Variants in NTM observed in about 807,000 individuals in gnomAD.
NTM encodes the protein IgLON family member 2.
A neutral mutation model predicts 42.1 loss-of-function variants in NTM; 13 were observed. The observed-to-expected ratio is 0.31, with a 90% CI of 0.20 to 0.49. NTM has a LOEUF of 0.49. Among genes scored for constraint, NTM ranks in the 20% least tolerant of loss-of-function variants. The pLI, the probability that NTM is intolerant of heterozygous loss-of-function variation, is 0.99. For synonymous variants in NTM, 187 were observed against 179.2 expected, an observed-to-expected ratio of 1.04 and a Z score of -0.35; for missense variants, 373 against 452.8, an observed-to-expected ratio of 0.82 and a Z score of 1.60.
At chr11:132,162,831 T>C (rs889422264) in intron 3 of NTM, among the ~76,000 whole-genome samples, 2 of 151,916 alleles carry the variant, frequency 1.3e-5, no homozygotes, top group Non-Finnish European at 2.9e-5. Flanking sequence ...ATCTTGTGTG[T>C]GTGTTTGTGG....
chr11:131,892,238 C>T lies in NTM; in HGVS notation c.83-19326C>T, dbSNP rs533199535. Among the ~76,000 whole-genome samples, 4 of 152,290 alleles carry T rather than the reference C, an allele frequency of 2.6e-5. No homozygotes were observed. The South Asian group carries it at 8.3e-4, about 32-fold the overall frequency. ...CTCATCTGTCAAATGGGACATGGTT[C>T]TGCTAGACAGGGTAGCTGGGTGAGA... On this transcript the variant is annotated intron_variant, in intron 1 of 8. Coordinates refer to ENST00000683400, the MANE Select transcript of NTM (RefSeq NM_001352005.2).
At chr11:131,977,270 T>G (rs1320346717) in intron 2 of NTM, among the ~76,000 whole-genome samples, 1 of 152,240 alleles carries the variant, frequency 6.6e-6, no homozygotes, top group Non-Finnish European at 1.5e-5. Flanking sequence ...GTTTTTACAT[T>G]ATATGCCTTC....
intron 3 of NTM, among the ~76,000 whole-genome samples, chr11:132,176,356 G>GA (rs1011492738): frequency 3.8e-4 from 36 of 94,810 alleles, no homozygotes; most frequent in Admixed American, 1.2e-3. Flanking sequence ...AACTTTCCAG[G>GA]AAAAAAAAAA....
At chr11:132,281,998 A>G (rs543885813) in intron 4 of NTM, among the ~76,000 whole-genome samples, 1 of 152,348 alleles carries the variant, frequency 6.6e-6, no homozygotes, top group Non-Finnish European at 1.5e-5. Context: ...TTTCATTGCC[A>G]AAAGCAACTA....
At position 132,259,007 on chromosome 11, in the gene NTM, G is replaced by T. The variant is rs2092678594; in HGVS notation, c.526+46860G>T. On this transcript the variant is annotated intron_variant, in intron 4 of 8. Transcript: ENST00000683400. ...TTTGTGTCCTGCCCCTGATTTAACTGCTAGAAATATTACTCATCTCTTTGT... is the reference window on the plus strand; with the variant it reads ...TTTGTGTCCTGCCCCTGATTTAACTTCTAGAAATATTACTCATCTCTTTGT... 1.3e-5 allele frequency among the ~76,000 whole-genome samples: 2 copies of T among 152,132 alleles called. 1 individual carries two copies. Among genetic ancestry groups the T allele is most frequent in the South Asian group, 4.2e-4 (2 of 4,808 alleles).
At chr11:131,449,315 G>A (rs893094310) in intron 1 of NTM, among the ~76,000 whole-genome samples, 5 of 152,206 alleles carry the variant, frequency 3.3e-5, no homozygotes, top group African/African-American at 1.2e-4. Context: ...TGCTCACTCA[G>A]GTGGACTCCC....
At chr11:131,704,350 G>C (rs2076371304) in intron 1 of NTM, among the ~76,000 whole-genome samples, 1 of 152,100 alleles carries the variant, frequency 6.6e-6, no homozygotes, top group Non-Finnish European at 1.5e-5. Flanking sequence ...GGCTCCTGTA[G>C]ACCCAAGTTC....
At chr11:132,138,256 C>A (rs559165180) in intron 2 of NTM, among the ~76,000 whole-genome samples, 4 of 152,284 alleles carry the variant, frequency 2.6e-5, no homozygotes, top group South Asian at 4.1e-4. Context: ...GCATGGACAT[C>A]CTGCTTCCAG....
chr11:132,325,715 C>T (rs2095664875), intron 7 of NTM, among the ~76,000 whole-genome samples: 1 of 152,296 alleles, frequency 6.6e-6, no homozygotes. Flanking sequence ...GACACACGCA[C>T]ACATATGTTT....
intron 2 of NTM, among the ~76,000 whole-genome samples, chr11:132,038,179 G>A (rs547358436): frequency 4.4e-4 from 67 of 152,340 alleles, no homozygotes; most frequent in African/African-American, 1.6e-3. Context: ...GAGTTATTCT[G>A]TTCCGACACA....
chr11:131,937,296 A>G (rs1038963181), intron 2 of NTM, among the ~76,000 whole-genome samples: 2 of 152,206 alleles, frequency 1.3e-5, no homozygotes, highest in Non-Finnish European at 2.9e-5. Context: ...TTGAATTAGT[A>G]ATTTATTCTA....
intron 4 of NTM, among the ~76,000 whole-genome samples, chr11:132,294,869 G>A (rs770102249): frequency 6.6e-6 from 1 of 152,138 alleles, no homozygotes; most frequent in Non-Finnish European, 1.5e-5. Context: ...CCTAATTGAT[G>A]ATGACATAAG....
intron 3 of NTM, among the ~76,000 whole-genome samples, chr11:132,151,211 T>C (rs868618028): frequency 5.3e-5 from 8 of 152,220 alleles, no homozygotes; most frequent in Admixed American, 3.3e-4. Context: ...CATTGTTCCT[T>C]TGGACAAGGT....
intron 1 of NTM, among the ~76,000 whole-genome samples, chr11:131,695,585 T>C (rs2075348572): frequency 6.6e-6 from 1 of 152,244 alleles, no homozygotes; most frequent in African/African-American, 2.4e-5. Flanking sequence ...TCAGTCTCCT[T>C]TGTCCTTTGA....
chr11:131,521,383 C>A (rs1168662446), intron 1 of NTM, among the ~76,000 whole-genome samples: 4 of 45,720 alleles, frequency 8.7e-5, no homozygotes, highest in Non-Finnish European at 1.6e-4. Context: ...AGGTGCCAGT[C>A]TTTTTTTTTT....
At chr11:131,936,200 C>T (rs1324875460) in intron 2 of NTM, among the ~76,000 whole-genome samples, 1 of 152,118 alleles carries the variant, frequency 6.6e-6, no homozygotes, top group African/African-American at 2.4e-5. Flanking sequence ...TTGTCATTAA[C>T]GTTGGTTAAA....
chr11:131,574,085 A>T, intron 1 of NTM, among the ~76,000 whole-genome samples: 1 of 152,108 alleles, frequency 6.6e-6, no homozygotes, highest in East Asian at 1.9e-4. Context: ...CAGGTGTGGG[A>T]GCTAGACGCC....
chr11:132,132,762 A>G (rs771173539), intron 2 of NTM, among the ~76,000 whole-genome samples: 1 of 152,204 alleles, frequency 6.6e-6, no homozygotes, highest in African/African-American at 2.4e-5. Flanking sequence ...GCTTGTCGCA[A>G]CACAATGGAA....
intron 1 of NTM, among the ~76,000 whole-genome samples, chr11:131,387,250 G>A (rs779969361): frequency 5.9e-5 from 9 of 152,218 alleles, no homozygotes; most frequent in East Asian, 1.9e-4. Flanking sequence ...ACAGGTACTC[G>A]TGACTGGACC....
Sources: allele counts gnomAD v4.1 joint callset (sites outside exome capture counted in the v4.1 genomes callset), GRCh38; gene constraint gnomAD v4.1.1; transcripts MANE v1.5; gene names NCBI Gene and HGNC (gene_info 2026-07-23, HGNC 2026-07-21).